NEK9: variants seen among roughly 807,000 people sequenced by gnomAD.
NEK9 encodes the protein NIMA related kinase 9, also known as serine/threonine-protein kinase Nek9.
Under a neutral mutation model 123.4 loss-of-function variants are expected in NEK9, and 75 were observed. That is an observed-to-expected ratio of 0.61 (90% confidence interval 0.50 to 0.74). NEK9 has a LOEUF of 0.74. Ranked by LOEUF, NEK9 falls within the 30% of genes least tolerant of loss-of-function variation. The probability of loss-of-function intolerance (pLI) is 0.00; values close to 1 mark genes in which losing one functional copy is unlikely to be tolerated. For missense variants in NEK9, 952 were observed against 1,214.4 expected, an observed-to-expected ratio of 0.78 and a Z score of 3.21; for synonymous variants, 438 against 458.7, an observed-to-expected ratio of 0.95 and a Z score of 0.58.
At chr14:75,109,516 A>C (rs1167713678) in intron 10 of NEK9, among the ~76,000 whole-genome samples, 169 bp downstream of exon 10, 2 of 152,230 alleles carry the variant, frequency 1.3e-5, no homozygotes. Context: ...CTGGGCATAC[A>C]TCAGTGAACT....
rs552493222 is a variant in NEK9, at chr14:75,110,679, C to A, written c.939-308G>T. Among the ~76,000 whole-genome samples the A allele has an allele frequency of 1.5e-4, 23 of 151,976 alleles. 2 individuals are homozygous for A. In the East Asian group the frequency reaches 2.7e-3, roughly 18 times the overall value. On this transcript the variant is annotated intron_variant, in intron 8 of 21. Coordinates refer to ENST00000238616, the MANE Select transcript of NEK9 (RefSeq NM_033116.6). The stretch of plus-strand genomic sequence containing the variant: ...GTACATATTTAGTATCTGATGGACA[C>A]CTTCATCTAGTCTGCCCACTGACTC...
intron 5 of NEK9, 43 bp from the exon 6 acceptor site, chr14:75,117,369 G>A: frequency 6.4e-7 from 1 of 1,569,230 alleles, no homozygotes. Flanking sequence ...TCTTTTCTGA[G>A]GTAACTATGT....
rs149659012 is a variant in NEK9 at position 75,097,394 on chromosome 14, G to A, written c.2003-124C>T. ...ACTATGTACTAAACAAGGGAAAGCT[G>A]TTTATTCTCCTATATAAAGCTTAAA... On this transcript the variant is annotated intron_variant, in intron 16 of 21. Coordinates refer to ENST00000238616, the MANE Select transcript of NEK9 (RefSeq NM_033116.6). The A allele has an allele frequency of 4.4e-4, 334 of 766,300 alleles. No individual in the cohort carries two copies. In the African/African-American group the frequency reaches 5.1e-3, roughly 12 times the overall value. 47.5% of individuals were successfully genotyped at this position (766,300 alleles called of 1,614,324 possible).
intron 11 of NEK9, 93 bp downstream of exon 11, chr14:75,107,250 C>T: frequency 7.5e-7 from 1 of 1,334,790 alleles, no homozygotes; most frequent in Non-Finnish European, 1.0e-6. Context: ...TGTATACTGT[C>T]TTTTGTTTTA....
At chr14:75,100,476 G>A (rs1003064925) in intron 16 of NEK9, among the ~76,000 whole-genome samples, 2 of 152,018 alleles carry the variant, frequency 1.3e-5, no homozygotes, top group African/African-American at 2.4e-5. Flanking sequence ...CAAAAAAATC[G>A]TCTCAGAGAA....
chr14:75,122,395 G>T (rs1895367644), intron 2 of NEK9, among the ~76,000 whole-genome samples: 1 of 152,210 alleles, frequency 6.6e-6, no homozygotes, highest in Non-Finnish European at 1.5e-5. Flanking sequence ...AAGGGCTTTG[G>T]AGGTTCTCCT....
At chr14:75,114,915 CAA>C (rs891874719) in intron 6 of NEK9, among the ~76,000 whole-genome samples, 1 of 151,846 alleles carries the variant, frequency 6.6e-6, no homozygotes, top group Non-Finnish European at 1.5e-5. Flanking sequence ...GTAACTTGCC[CAA>C]AATCACAGAT....
rs1306289338 is a variant in NEK9, at chr14:75,109,888, C to T, written c.990-11G>A. On this transcript the variant is annotated splice_polypyrimidine_tract_variant and intron_variant, in intron 9 of 21. Coordinates refer to ENST00000238616, the MANE Select transcript of NEK9 (RefSeq NM_033116.6). ...GTCACAGTGCTTGACCTGCCAACAACCCCCAGAACAAAGGAACATTTAACA... is the reference window on the plus strand; with the variant it reads ...GTCACAGTGCTTGACCTGCCAACAATCCCCAGAACAAAGGAACATTTAACA... 1.3e-6 allele frequency: 2 copies of T among 1,587,872 alleles called. No individual in the cohort carries two copies. The highest frequency in any genetic ancestry group is 2.7e-5 in the African/African-American group (2 of 73,170).
chr14:75,124,925 C>T (rs527841420), intron 1 of NEK9, among the ~76,000 whole-genome samples: 14 of 144,092 alleles, frequency 9.7e-5, no homozygotes, highest in Admixed American at 2.2e-4. Flanking sequence ...CACGCACTGC[C>T]ACACTCAGCT....
chr14:75,101,845 C>T, intron 14 of NEK9, 80 bp from the exon 15 acceptor site: 1 of 1,024,396 alleles, frequency 9.8e-7, no homozygotes, highest in Admixed American at 1.8e-5. Context: ...GAAAAAAGTC[C>T]TGGTGACCAA....
intron 20 of NEK9, 118 bp downstream of exon 20, chr14:75,088,362 A>T: frequency 2.1e-6 from 2 of 940,074 alleles, no homozygotes; most frequent in Non-Finnish European, 3.3e-6. Context: ...AATAGACAGT[A>T]TAATGAGTTG....
intron 21 of NEK9, among the ~76,000 whole-genome samples, chr14:75,086,071 C>G (rs1053948343): frequency 2.0e-5 from 3 of 151,542 alleles, no homozygotes; most frequent in Non-Finnish European, 2.9e-5. Flanking sequence ...CGTCTATAGT[C>G]CCAGCTACTC....
Position 75,084,121 on chromosome 14 carries a change from C to A in NEK9, c.*443G>T. 1 of 184,784 alleles carries A rather than the reference C, an allele frequency of 5.4e-6. No individual in the cohort carries two copies. The highest frequency in any genetic ancestry group is 1.2e-5 in the Non-Finnish European group (1 of 86,146). The allele number at this position is 184,784 out of a possible 1,614,324, so 11.4% of individuals were successfully genotyped here. On this transcript the variant is annotated 3_prime_UTR_variant, in exon 22 of 22. Transcript: ENST00000238616. ...CTGGGCGGGCCACACCTGATTCCAGCCCACTCCAACTTTACACTTCTCCCT... is the reference window on the plus strand; with the variant it reads ...CTGGGCGGGCCACACCTGATTCCAGACCACTCCAACTTTACACTTCTCCCT...
intron 19 of NEK9, among the ~76,000 whole-genome samples, chr14:75,089,231 T>C (rs142496589): frequency 6.6e-6 from 1 of 152,182 alleles, no homozygotes; most frequent in Non-Finnish European, 1.5e-5. Flanking sequence ...CATGCCCGGC[T>C]AATTATTATT....
At chr14:75,091,630 G>T in intron 18 of NEK9, 152 bp from the exon 19 acceptor site, 3 of 529,382 alleles carry the variant, frequency 5.7e-6, no homozygotes, top group South Asian at 4.5e-5. Flanking sequence ...CTAAATTTTT[G>T]GTTTTCATAC....
chr14:75,089,310 C>G (rs1160777568), intron 19 of NEK9, among the ~76,000 whole-genome samples: 8 of 152,116 alleles, frequency 5.3e-5, no homozygotes, highest in African/African-American at 1.9e-4. Flanking sequence ...TCACTGCAAC[C>G]TTCACCTCCC....
intron 5 of NEK9, among the ~76,000 whole-genome samples, chr14:75,118,172 A>G (rs1895201289): frequency 6.6e-6 from 1 of 152,302 alleles, no homozygotes; most frequent in East Asian, 1.9e-4. Context: ...AACCCTAAAC[A>G]TCTAAATTGC....
chr14:75,090,889 T>C (rs1269115754), intron 19 of NEK9, among the ~76,000 whole-genome samples: 2 of 152,226 alleles, frequency 1.3e-5, no homozygotes, highest in East Asian at 3.8e-4. Flanking sequence ...TTTTACTTTC[T>C]GTATCTCAAC....
At chr14:75,099,656 C>T (rs1018067782) in intron 16 of NEK9, among the ~76,000 whole-genome samples, 1 of 151,788 alleles carries the variant, frequency 6.6e-6, no homozygotes, top group African/African-American at 2.4e-5. Context: ...GTGGCGAGTG[C>T]CTGTAATCCC....
Sources: gnomAD v4.1 joint callset for allele counts (sites outside exome capture counted in the v4.1 genomes callset) on GRCh38, gnomAD v4.1.1 for gene constraint, MANE v1.5 for transcripts, NCBI Gene and HGNC (gene_info 2026-07-23, HGNC 2026-07-21) for gene names.